The following CKAP5 variants were observed in gnomAD, a reference collection of about 807,000 sequenced individuals.
The protein encoded by CKAP5 is cytoskeleton associated protein 5.
In CKAP5, 27 loss-of-function variants were observed where a neutral mutation model predicts 232.8. The ratio of observed to expected loss-of-function variants is 0.12; its 90% CI spans 0.09 to 0.16. CKAP5 has a LOEUF of 0.16. CKAP5 is among the 10% of genes least tolerant of loss of function. The probability of loss-of-function intolerance (pLI) is 1.00; values close to 1 mark genes in which losing one functional copy is unlikely to be tolerated. For synonymous variants in CKAP5, 785 were observed against 841.1 expected, an observed-to-expected ratio of 0.93 and a Z score of 1.16; for missense variants, 1,838 against 2,424.7, an observed-to-expected ratio of 0.76 and a Z score of 5.08.
chr11:46,840,030 G>C (rs1940013442), intron 1 of CKAP5, among the ~76,000 whole-genome samples: 1 of 152,088 alleles, frequency 6.6e-6, no homozygotes, highest in Non-Finnish European at 1.5e-5. Flanking sequence ...GGAGGCTGAG[G>C]TGGGAGGACA....
chr11:46,826,268 G>A (rs1331083821), intron 1 of CKAP5, among the ~76,000 whole-genome samples: 2 of 152,088 alleles, frequency 1.3e-5, no homozygotes, highest in Non-Finnish European at 2.9e-5. Flanking sequence ...AAAGGGGTAC[G>A]GGATACCACC....
rs1486999286 is a variant in CKAP5 at position 46,783,217 on chromosome 11, G to A, written c.2249+57C>T. ...CAATAGCTATTATTATAAACAGCAC[G>A]ACTTAGAGACTGACAGAACATTTAA... On this transcript the variant is annotated intron_variant, in intron 18 of 43. Coordinates refer to ENST00000529230, the MANE Select transcript of CKAP5 (RefSeq NM_001008938.4). 26 of 990,382 alleles carry A rather than the reference G, an allele frequency of 2.6e-5. 1 individual carries two copies. Among genetic ancestry groups the A allele is most frequent in the South Asian group, 1.9e-4 (14 of 73,166 alleles). The allele number at this position is 990,382 out of a possible 1,614,324, so 61.3% of individuals were successfully genotyped here. A position where few individuals can be genotyped will look rare whatever the true frequency, so the allele number is the denominator to read the frequency against.
chr11:46,821,466 C>A (rs1939524662), intron 1 of CKAP5, among the ~76,000 whole-genome samples, 198 bp from the exon 2 acceptor site: 1 of 141,096 alleles, frequency 7.1e-6, no homozygotes, highest in Admixed American at 7.5e-5. Flanking sequence ...GCTCTGTCAC[C>A]CAGGCTGGAG....
intron 27 of CKAP5, among the ~76,000 whole-genome samples, 166 bp downstream of exon 27, chr11:46,767,409 T>C (rs1043388628): frequency 1.3e-5 from 2 of 152,340 alleles, no homozygotes; most frequent in African/African-American, 4.8e-5. Flanking sequence ...GTCTCCGTTT[T>C]AGGACCTTAT....
chr11:46,765,309 A>T, intron 27 of CKAP5, 53 bp from the exon 28 acceptor site: 1 of 1,507,738 alleles, frequency 6.6e-7, no homozygotes, highest in South Asian at 1.4e-5. Flanking sequence ...CTCCTTAAGA[A>T]TATGATGCTG....
chr11:46,816,372 C>G lies in CKAP5; in HGVS notation c.284G>C (p.Ser95Thr). 1 of 1,614,038 alleles carries G rather than the reference C, an allele frequency of 6.2e-7. No homozygotes were observed. Reference protein sequence around the residue: ...TTGEVVSGVVSKVFNQPKAKA... With the variant: ...TTGEVVSGVVTKVFNQPKAKA... ...AGCTTTAGGTTGATTGAACACCTTA[C>G]TTACAACACCTGACACAACTTCTCC... is the stretch of plus-strand genomic sequence containing the variant. Residue 95 changes from serine (S) to threonine (T), a missense_variant, in exon 4 of 44, where the codon AGT (serine) becomes ACT (threonine). Coordinates refer to ENST00000529230, the MANE Select transcript of CKAP5 (RefSeq NM_001008938.4).
chr11:46,802,789 A>G (rs1379465146), intron 8 of CKAP5, among the ~76,000 whole-genome samples: 3 of 152,158 alleles, frequency 2.0e-5, no homozygotes, highest in Admixed American at 6.5e-5. Flanking sequence ...AACATGCAAC[A>G]TGAAAGAAGT....
chr11:46,749,730 G>A (rs893487415), intron 42 of CKAP5, among the ~76,000 whole-genome samples: 3 of 151,894 alleles, frequency 2.0e-5, no homozygotes, highest in Non-Finnish European at 4.4e-5. Flanking sequence ...GAGGCGGGCG[G>A]ATCACCTGAG....
chr11:46,766,879 G>A (rs1461161490), intron 27 of CKAP5, among the ~76,000 whole-genome samples: 2 of 152,160 alleles, frequency 1.3e-5, no homozygotes, highest in Non-Finnish European at 2.9e-5. Flanking sequence ...ATCCCACTGG[G>A]ACAAAAGATA....
intron 1 of CKAP5, among the ~76,000 whole-genome samples, chr11:46,824,525 C>T (rs919831739): frequency 3.3e-4 from 50 of 152,188 alleles, no homozygotes; most frequent in African/African-American, 1.2e-3. Flanking sequence ...AAACAGTTCA[C>T]ATGTTCATCA....
chr11:46,800,797 C>G (rs961111274), intron 9 of CKAP5, among the ~76,000 whole-genome samples: 1 of 152,156 alleles, frequency 6.6e-6, no homozygotes, highest in Admixed American at 6.5e-5. Context: ...ATTAACCTCA[C>G]AGTTTTACAT....
intron 15 of CKAP5, among the ~76,000 whole-genome samples, chr11:46,789,328 T>C (rs568577748): frequency 6.6e-6 from 1 of 152,330 alleles, no homozygotes; most frequent in South Asian, 2.1e-4. Flanking sequence ...TGAACTGCCA[T>C]GCTCCTTTAC....
intron 32 of CKAP5, 99 bp downstream of exon 32, chr11:46,761,900 TA>T: frequency 1.1e-6 from 1 of 950,534 alleles, no homozygotes. Flanking sequence ...TAAAAAGTAG[TA>T]AAAACTTAGC....
At chr11:46,803,557 T>A (rs1202172855) in intron 8 of CKAP5, among the ~76,000 whole-genome samples, 1 of 152,154 alleles carries the variant, frequency 6.6e-6, no homozygotes, top group African/African-American at 2.4e-5. Context: ...TGTGACCTAC[T>A]GTACCCAGCC....
intron 8 of CKAP5, among the ~76,000 whole-genome samples, chr11:46,803,756 C>G (rs182974671): frequency 2.0e-4 from 30 of 152,138 alleles, no homozygotes; most frequent in Non-Finnish European, 3.7e-4. Context: ...GATCAGGGTC[C>G]TAATAAACAT....
intron 1 of CKAP5, among the ~76,000 whole-genome samples, chr11:46,833,532 T>G (rs865897925): frequency 1.5e-4 from 23 of 150,854 alleles, no homozygotes; most frequent in African/African-American, 5.6e-4. Context: ...CAGGCTGGAG[T>G]GCACTGGCGG....
chr11:46,781,207 G>C (rs1326549034), intron 18 of CKAP5, among the ~76,000 whole-genome samples: 2 of 152,104 alleles, frequency 1.3e-5, no homozygotes, highest in Non-Finnish European at 2.9e-5. Flanking sequence ...AGTTATTCAG[G>C]CTATCCTTGA....
chr11:46,744,233 G>A lies in CKAP5; in HGVS notation c.5889C>T (p.Leu1963=). ...CGACAGTAGGAACTGCTGGTTTGGA[G>A]AGCAAAGAGGTCAAAGGAGGTCGGT... is the stretch of plus-strand genomic sequence containing the variant. The part of the protein sequence containing the change: ...QDDRPPLTSL[L]SKPAVPTVAS... Residue 1963 remains leucine (L), a synonymous_variant, in exon 44 of 44, where the codon CTC becomes CTT. Coordinates refer to ENST00000529230, the MANE Select transcript of CKAP5 (RefSeq NM_001008938.4). 1 of 1,614,102 alleles carries A rather than the reference G, an allele frequency of 6.2e-7. No individual in the cohort carries two copies. Among genetic ancestry groups the A allele is most frequent in the Non-Finnish European group, 8.5e-7 (1 of 1,180,030 alleles).
chr11:46,788,051 T>G (rs2065413223), intron 16 of CKAP5, among the ~76,000 whole-genome samples: 1 of 152,250 alleles, frequency 6.6e-6, no homozygotes, highest in Non-Finnish European at 1.5e-5. Context: ...CTTACTTTAT[T>G]GTAAGAATAC....
Sources: gnomAD v4.1 joint callset for allele counts (sites outside exome capture counted in the v4.1 genomes callset) on GRCh38, gnomAD v4.1.1 for gene constraint, MANE v1.5 for transcripts, NCBI Gene and HGNC (gene_info 2026-07-23, HGNC 2026-07-21) for gene names.